Variants in ZFYVE27 observed in about 807,000 individuals in gnomAD.
ZFYVE27 encodes the protein zinc finger FYVE-type containing 27, also known as protrudin.
ZFYVE27 carries 36 observed loss-of-function variants against 52.8 expected under a neutral mutation model. The observed-to-expected ratio is 0.68, with a 90% confidence interval of 0.52 to 0.90. The LOEUF is 0.90. Ranked by LOEUF, ZFYVE27 falls within the 40% of genes least tolerant of loss-of-function variation. The probability of loss-of-function intolerance (pLI) is 0.00; values close to 1 mark genes in which losing one functional copy is unlikely to be tolerated. For synonymous variants in ZFYVE27, 223 were observed against 215.6 expected, an observed-to-expected ratio of 1.03 and a Z score of -0.30; for missense variants, 450 against 527.2, an observed-to-expected ratio of 0.85 and a Z score of 1.43.
chr10:97,750,475 G>A lies in ZFYVE27; in HGVS notation c.804+5G>A, dbSNP rs2046632042. 1.2e-6 allele frequency: 2 copies of A among 1,613,874 alleles called. No homozygotes were observed. The highest frequency in any genetic ancestry group is 1.3e-5 in the African/African-American group (1 of 74,932). On this transcript the variant is annotated splice_donor_5th_base_variant and intron_variant, in intron 7 of 12. Transcript: ENST00000684270. ...CCTGCCCTCACACCCACGGAGGTAA[G>A]TGCCACTGTCAGGGCAGAGCCTGCT... is the stretch of plus-strand genomic sequence containing the variant.
intron 2 of ZFYVE27, 28 bp from the exon 3 acceptor site, chr10:97,743,066 G>C (rs80117547): frequency 6.2e-7 from 1 of 1,613,444 alleles, no homozygotes; most frequent in Non-Finnish European, 8.5e-7. Flanking sequence ...GTGACTCTCT[G>C]TAGTGATCAG....
At chr10:97,755,051 A>T (rs1163444679) in intron 10 of ZFYVE27, among the ~76,000 whole-genome samples, 1 of 152,026 alleles carries the variant, frequency 6.6e-6, no homozygotes, top group African/African-American at 2.4e-5. Flanking sequence ...CCCTTGTTTT[A>T]TGCCTGTCCC....
chr10:97,749,852 A>T (rs2046463532), intron 6 of ZFYVE27, among the ~76,000 whole-genome samples: 1 of 152,120 alleles, frequency 6.6e-6, no homozygotes, highest in Non-Finnish European at 1.5e-5. Flanking sequence ...ATATGATATG[A>T]TGGCTTCTGG....
At chr10:97,745,045 G>A in intron 4 of ZFYVE27, 130 bp downstream of exon 4, 1 of 1,067,406 alleles carries the variant, frequency 9.4e-7, no homozygotes, top group Non-Finnish European at 1.4e-6. Context: ...CTTTTTAACA[G>A]TTCCGGGAGG....
chr10:97,759,659 G>T lies in ZFYVE27; in HGVS notation c.*359G>T. The T allele has an allele frequency of 2.6e-6, 1 of 383,086 alleles. No individual in the cohort carries two copies. Among genetic ancestry groups the T allele is most frequent in the East Asian group, 5.7e-5 (1 of 17,508 alleles). 23.7% of individuals were successfully genotyped at this position (383,086 alleles called of 1,614,324 possible). On this transcript the variant is annotated 3_prime_UTR_variant, in exon 13 of 13. Transcript: ENST00000684270. ...GACTGGGGTCTGAAGATCAGGGTCA[G>T]TGTGGCTGTGCCTGGGAATTCCAGA...
intron 7 of ZFYVE27, 141 bp from the exon 8 acceptor site, chr10:97,751,250 C>T (rs1356226428): frequency 9.7e-6 from 9 of 929,880 alleles, no homozygotes; most frequent in African/African-American, 4.9e-5. Context: ...GTTGCTCCTT[C>T]CTGTGAGTTC....
In ZFYVE27 at chr10:97,743,098, C is replaced by A. The variant is rs147916332; in HGVS notation, c.202C>A (p.Gln68Lys). Residue 68 changes from glutamine to lysine, a missense_variant, in exon 3 of 13, where the codon CAG becomes AAG. Coordinates refer to ENST00000684270, the MANE Select transcript of ZFYVE27 (RefSeq NM_001385875.1). Reference sequence around the variant, plus strand: ...TCAGGACTCTCTGTATTGTAGGTGGCAGATGCCTTTGTGTTCCTTGCTGAC... The same window carrying A: ...TCAGGACTCTCTGTATTGTAGGTGGAAGATGCCTTTGTGTTCCTTGCTGAC... ...GDGVRYLLRW[Q>K]MPLCSLLTCL... 3 of 1,614,064 alleles carry A rather than the reference C, an allele frequency of 1.9e-6. No individual in the cohort carries two copies. The African/African-American group carries it at 4.0e-5, about 22-fold the overall frequency.
At chr10:97,755,539 G>A (rs1259264454) in intron 10 of ZFYVE27, among the ~76,000 whole-genome samples, 2 of 152,164 alleles carry the variant, frequency 1.3e-5, no homozygotes, top group African/African-American at 4.8e-5. Flanking sequence ...GTTCTCTGGG[G>A]CCTCTTTTAT....
chr10:97,757,054 A>T (rs2048527627), intron 10 of ZFYVE27: 3 of 602,494 alleles, frequency 5.0e-6, no homozygotes, highest in Admixed American at 5.7e-5. Context: ...GTAGCTATGT[A>T]TGGCTGGAGA....
chr10:97,751,034 C>T (rs2046843669), intron 7 of ZFYVE27, among the ~76,000 whole-genome samples: 1 of 152,210 alleles, frequency 6.6e-6, no homozygotes, highest in African/African-American at 2.4e-5. Context: ...TGAGCCACTG[C>T]ACCAGGCTGG....
At chr10:97,752,965 G>A (rs771048657) in intron 9 of ZFYVE27, 73 bp from the exon 10 acceptor site, 27 of 1,612,760 alleles carry the variant, frequency 1.7e-5, no homozygotes, top group South Asian at 9.9e-5. Flanking sequence ...GGGCTGCCGC[G>A]CAGGATGCCT....
At chr10:97,750,211 G>T in intron 6 of ZFYVE27, 120 bp from the exon 7 acceptor site, 1 of 1,292,786 alleles carries the variant, frequency 7.7e-7, no homozygotes, top group Non-Finnish European at 1.1e-6. Context: ...AGTTAGGAGG[G>T]TGACTCTTTC....
chr10:97,749,857 T>C (rs1327933745), intron 6 of ZFYVE27, among the ~76,000 whole-genome samples: 1 of 152,182 alleles, frequency 6.6e-6, no homozygotes, highest in Non-Finnish European at 1.5e-5. Flanking sequence ...ATATGATGGC[T>C]TCTGGAAGAT....
chr10:97,757,505 T>C, intron 11 of ZFYVE27, 137 bp from the exon 12 acceptor site: 1 of 1,264,206 alleles, frequency 7.9e-7, no homozygotes, highest in Non-Finnish European at 1.2e-6. Flanking sequence ...TTCCATTTGC[T>C]CTCTTTCCTG....
intron 1 of ZFYVE27, among the ~76,000 whole-genome samples, chr10:97,737,708 G>A (rs2042481214): frequency 6.6e-6 from 1 of 152,224 alleles, no homozygotes; most frequent in Non-Finnish European, 1.5e-5. Flanking sequence ...GCTGCTTAGA[G>A]TTCAGGATAG....
In ZFYVE27 at chr10:97,755,098, C is replaced by T. The variant is rs190028777; in HGVS notation, c.1042+1916C>T. On this transcript the variant is annotated intron_variant, in intron 10 of 12. Transcript: ENST00000684270. ...TGATTTTTGGTTTGGATAATCTCTA[C>T]CAGCATGGGCAGAGGCCTTTTCAGC... Among the ~76,000 whole-genome samples the T allele has an allele frequency of 1.2e-3, 190 of 152,308 alleles. 1 individual carries two copies. Among genetic ancestry groups the T allele is most frequent in the African/African-American group, 4.4e-3 (183 of 41,560 alleles).
intron 5 of ZFYVE27, among the ~76,000 whole-genome samples, chr10:97,748,832 G>C (rs2046171441): frequency 6.6e-6 from 1 of 152,208 alleles, no homozygotes; most frequent in African/African-American, 2.4e-5. Context: ...TACAGATTTA[G>C]TCAATTTCCC....
chr10:97,740,268 T>C (rs928165474), intron 2 of ZFYVE27, among the ~76,000 whole-genome samples: 2 of 152,254 alleles, frequency 1.3e-5, no homozygotes, highest in Admixed American at 1.3e-4. Flanking sequence ...CCTACATTTT[T>C]CTTGTTCACC....
At chr10:97,738,766 C>T (rs1589980653) in intron 2 of ZFYVE27, 92 bp downstream of exon 2, 7 of 1,443,992 alleles carry the variant, frequency 4.8e-6, no homozygotes, top group Non-Finnish European at 6.8e-6. Flanking sequence ...AGTGGCTGGG[C>T]TGTCCTTTCT....
Sources: allele counts gnomAD v4.1 joint callset (sites outside exome capture counted in the v4.1 genomes callset), GRCh38; gene constraint gnomAD v4.1.1; transcripts MANE v1.5; gene names NCBI Gene and HGNC (gene_info 2026-07-23, HGNC 2026-07-21).